Variants in CCDC59 observed in about 807,000 individuals in gnomAD.
CCDC59 encodes the protein coiled-coil domain containing 59, also known as thyroid transcription factor 1-associated protein 26.
In CCDC59, 27 loss-of-function variants were observed where a neutral mutation model predicts 30.5. The observed-to-expected ratio is 0.89, with a 90% CI of 0.65 to 1.22. The LOEUF is 1.22. Among genes scored for constraint, CCDC59 ranks in the 50% most tolerant of loss-of-function variants. The pLI, the probability that CCDC59 is intolerant of heterozygous loss-of-function variation, is 0.00. For synonymous variants in CCDC59, 125 were observed against 100.9 expected (o/e 1.24, Z -1.43); for missense variants, 362 against 284.4 (o/e 1.27, Z -1.96).
At chr12:82,357,877 A>T (rs894470932) in intron 1 of CCDC59, among the ~76,000 whole-genome samples, 9 of 152,212 alleles carry the variant, frequency 5.9e-5, no homozygotes, top group Admixed American at 5.2e-4. Context: ...AATTCGGAGC[A>T]GTGTTTCTGG....
At chr12:82,355,159 C>G (rs1446740455) in intron 2 of CCDC59, 1 of 152,330 alleles carries the variant, frequency 6.6e-6, no homozygotes, top group Admixed American at 6.5e-5. Flanking sequence ...ATTTTAATAG[C>G]TACTAATCAC....
Position 82,353,008 on chromosome 12 carries a change from A to T in CCDC59, c.*143T>A, listed in dbSNP as rs1011930780. On this transcript the variant is annotated 3_prime_UTR_variant, in exon 4 of 4. Transcript: ENST00000256151. ...GAACATATTTAGAAAATTTTTTACC[A>T]TAATAAAAATATGTGAACATCTTAT... 6 of 605,302 alleles carry T rather than the reference A, an allele frequency of 9.9e-6. No homozygotes were observed. In the African/African-American group the frequency reaches 1.1e-4, roughly 11 times the overall value. The allele number at this position is 605,302 out of a possible 1,614,324, so 37.5% of individuals were successfully genotyped here. A position where few individuals can be genotyped will look rare whatever the true frequency, so the allele number is the denominator to read the frequency against.
rs1049830086 is a variant in CCDC59 at position 82,352,483 on chromosome 12, A to C, written c.*668T>G. On this transcript the variant is annotated 3_prime_UTR_variant, in exon 4 of 4. Transcript: ENST00000256151. ...GCTCACAAGGGTACCAACAAGGGAGACAGAGATAATGTTCTTAAAGTATAG... is the reference window on the plus strand; with the variant it reads ...GCTCACAAGGGTACCAACAAGGGAGCCAGAGATAATGTTCTTAAAGTATAG... 2 of 152,248 alleles carry C rather than the reference A, an allele frequency of 1.3e-5. No homozygotes were observed. Among genetic ancestry groups the C allele is most frequent in the Admixed American group, 1.3e-4 (2 of 15,280 alleles). The allele number at this position is 152,248 out of a possible 1,614,324, so 9.4% of individuals were successfully genotyped here.
intron 2 of CCDC59, 180 bp downstream of exon 2, chr12:82,356,780 C>G (rs1592553551): frequency 3.8e-6 from 2 of 523,384 alleles, no homozygotes; most frequent in African/African-American, 3.8e-5. Flanking sequence ...TTAGGCTAAA[C>G]CAGCCTAATT....
chr12:82,358,603 T>C (rs545160060), upstream of CCDC59: 12 of 1,613,380 alleles, frequency 7.4e-6, no homozygotes, highest in Non-Finnish European at 1.0e-5. Context: ...ACCCCGGACC[T>C]GCCCACGCTG....
chr12:82,356,085 G>A (rs1248031229), intron 2 of CCDC59: 1 of 151,936 alleles, frequency 6.6e-6, no homozygotes, highest in African/African-American at 2.4e-5. Context: ...ACCCCCCGTG[G>A]TCCCATTTCC....
chr12:82,357,841 G>A (rs933535650), intron 1 of CCDC59, among the ~76,000 whole-genome samples: 3 of 152,156 alleles, frequency 2.0e-5, no homozygotes, highest in African/African-American at 7.2e-5. Flanking sequence ...AAGGCTGGAG[G>A]GCCTCGGGTA....
rs1565787216 is a variant in CCDC59, at chr12:82,358,223, C to G, written c.154G>C (p.Gly52Arg). The G allele has an allele frequency of 6.2e-7, 1 of 1,614,184 alleles. No homozygotes were observed. The highest frequency in any genetic ancestry group is 8.5e-7 in the Non-Finnish European group (1 of 1,180,040). The change falls in exon 1 of 4, where the codon GGA becomes CGA. Residue 52 changes from glycine (G) to arginine (R), a missense_variant and splice_region_variant. Gly to Arg is a moderately radical substitution (Grantham distance 125). Coordinates refer to ENST00000256151, the MANE Select transcript of CCDC59 (RefSeq NM_014167.5). ...TGCAAATGGTTGCCTTCTTACATAC[C>G]CTCGCGAACGCTCCCCACGAAGGCT... ...PQAFVGSVREGQGFAFRRKLK... is the reference protein window; with the variant it reads ...PQAFVGSVRERQGFAFRRKLK...
intron 2 of CCDC59, 90 bp from the exon 3 acceptor site, chr12:82,354,684 A>G: frequency 8.8e-7 from 1 of 1,138,796 alleles, no homozygotes; most frequent in South Asian, 2.3e-5. Flanking sequence ...AAGAGTATAT[A>G]TTAAATAAAA....
chr12:82,358,784 C>T (rs750075895), upstream of CCDC59: 7 of 1,613,666 alleles, frequency 4.3e-6, no homozygotes, highest in South Asian at 2.2e-5. Context: ...AGGCCCTGCC[C>T]TCAGAGACGC....
At chr12:82,354,705 G>T in intron 2 of CCDC59, 111 bp from the exon 3 acceptor site, 2 of 800,988 alleles carry the variant, frequency 2.5e-6, no homozygotes. Context: ...GGCACAAATG[G>T]GGATTCTTAG....
At chr12:82,357,922 T>G (rs1421569563) in intron 1 of CCDC59, among the ~76,000 whole-genome samples, 1 of 152,206 alleles carries the variant, frequency 6.6e-6, no homozygotes, top group Non-Finnish European at 1.5e-5. Context: ...CCTTACCACA[T>G]GCGCAAGAGT....
At chr12:82,354,706 G>T in intron 2 of CCDC59, 112 bp from the exon 3 acceptor site, 2 of 794,906 alleles carry the variant, frequency 2.5e-6, no homozygotes, top group Non-Finnish European at 1.7e-6. Context: ...GCACAAATGG[G>T]GATTCTTAGA....
At chr12:82,356,161 G>A (rs1034407270) in intron 2 of CCDC59, 39 of 152,254 alleles carry the variant, frequency 2.6e-4, no homozygotes, top group African/African-American at 9.4e-4. Flanking sequence ...AAAAAATTAT[G>A]CTCCCAAGTT....
At chr12:82,358,442 A>C (rs1307382683), upstream of CCDC59, 9 of 1,606,328 alleles carry the variant, frequency 5.6e-6, no homozygotes, top group East Asian at 1.8e-4. Flanking sequence ...CACCAAGCCG[A>C]AGCAATCAAT....
chr12:82,355,444 A>ATGACTT (rs1439137715), intron 2 of CCDC59: 8 of 152,216 alleles, frequency 5.3e-5, no homozygotes, highest in Non-Finnish European at 1.2e-4. Flanking sequence ...TAAGGAAGGA[A>ATGACTT]AAAAAATCGT....
intron 2 of CCDC59, 176 bp from the exon 3 acceptor site, chr12:82,354,770 T>A (rs1309878327): frequency 5.0e-6 from 2 of 401,496 alleles, no homozygotes; most frequent in South Asian, 6.3e-5. Flanking sequence ...CCTAAAATGT[T>A]AAAAAAAAAA....
At chr12:82,358,413 G>C, upstream of CCDC59, 1 of 1,609,998 alleles carries the variant, frequency 6.2e-7, no homozygotes, top group Non-Finnish European at 8.5e-7. Flanking sequence ...AGACCACGAC[G>C]GACGCCCACA....
rs1416005212 is a variant in CCDC59, at chr12:82,357,009, A to G, written c.415T>C (p.Cys139Arg). 1.9e-6 allele frequency: 3 copies of G among 1,614,196 alleles called. No homozygotes were observed. Among genetic ancestry groups the G allele is most frequent in the Middle Eastern group, 1.6e-4 (1 of 6,062 alleles). The change falls in exon 2 of 4, where the codon TGT becomes CGT. Residue 139 changes from cysteine (C) to arginine (R), a missense_variant. Coordinates refer to ENST00000256151, the MANE Select transcript of CCDC59 (RefSeq NM_014167.5). ...SIDEPLFEDQ[C>R]SFDQPQPEEQ... Reference sequence around the variant, plus strand: ...TCTGGCTGAGGCTGGTCAAAGCTACACTGATCTTCAAATAAAGGCTCGTCA... The same window carrying G: ...TCTGGCTGAGGCTGGTCAAAGCTACGCTGATCTTCAAATAAAGGCTCGTCA...
Sources: gnomAD v4.1 joint callset for allele counts (sites outside exome capture counted in the v4.1 genomes callset) on GRCh38, gnomAD v4.1.1 for gene constraint, MANE v1.5 for transcripts, NCBI Gene and HGNC (gene_info 2026-07-23, HGNC 2026-07-21) for gene names.